The following LRP1B variants were observed in gnomAD, a reference collection of about 807,000 sequenced individuals.
LRP1B encodes low-density lipoprotein receptor-related protein 1B.
A neutral mutation model predicts 556.6 loss-of-function variants in LRP1B; 217 were observed. The observed-to-expected ratio is 0.39, with a 90% CI of 0.35 to 0.44. The LOEUF (loss-of-function observed/expected upper bound fraction) is 0.44. Ranked by LOEUF, LRP1B falls within the 20% of genes least tolerant of loss-of-function variation. The pLI, the probability that LRP1B is intolerant of heterozygous loss-of-function variation, is 1.00. For missense variants in LRP1B, 5,053 were observed against 5,620.8 expected (o/e 0.90, Z 3.23); for synonymous variants, 2,047 against 1,865.8 (o/e 1.10, Z -2.50).
At chr2:140,658,675 A>G (rs1480296064) in intron 41 of LRP1B, among the ~76,000 whole-genome samples, 1 of 151,534 alleles carries the variant, frequency 6.6e-6, no homozygotes, top group Admixed American at 6.6e-5. Flanking sequence ...TTTTAACGCA[A>G]TATGTCTACA....
chr2:140,659,826 A>C (rs1194653878), intron 41 of LRP1B, among the ~76,000 whole-genome samples: 1 of 152,138 alleles, frequency 6.6e-6, no homozygotes, highest in Non-Finnish European at 1.5e-5. Context: ...TGAGAAAAAC[A>C]GGATGAGAGA....
chr2:141,301,575 T>C (rs1394345638), intron 3 of LRP1B, among the ~76,000 whole-genome samples: 1 of 152,154 alleles, frequency 6.6e-6, no homozygotes, highest in Non-Finnish European at 1.5e-5. Context: ...AGGTACACTT[T>C]CTTATTCTCA....
intron 33 of LRP1B, among the ~76,000 whole-genome samples, chr2:140,772,311 G>GTA (rs3061696): frequency 0.26 from 39,506 of 150,156 alleles, 5,526 homozygotes; most frequent in South Asian, 0.32. Context: ...TTGTATGTAT[G>GTA]TATATATATA....
chr2:141,760,219 T>C lies in LRP1B; in HGVS notation c.205+50060A>G, dbSNP rs10205722. 4.3e-3 allele frequency among the ~76,000 whole-genome samples: 655 copies of C among 152,276 alleles called. 7 individuals are homozygous for C. Among genetic ancestry groups the C allele is most frequent in the African/African-American group, 0.014 (599 of 41,558 alleles). ...TAACCAAAACTGGAAAGAAACCCAG[T>C]CTTCATCCATAAGTTGTGAGTAAAA... On this transcript the variant is annotated intron_variant, in intron 2 of 90. Coordinates refer to ENST00000389484, the MANE Select transcript of LRP1B (RefSeq NM_018557.3).
chr2:141,915,539 C>G (rs1309654023), intron 1 of LRP1B, among the ~76,000 whole-genome samples: 1 of 152,048 alleles, frequency 6.6e-6, no homozygotes. Flanking sequence ...AAATTTATGA[C>G]TATTCCATCA....
At chr2:141,977,390 G>A (rs535267346) in intron 1 of LRP1B, among the ~76,000 whole-genome samples, 83 of 152,156 alleles carry the variant, frequency 5.5e-4, no homozygotes, top group Middle Eastern at 3.4e-3. Flanking sequence ...TGGCCAGCAT[G>A]GTGAATCCCT....
intron 41 of LRP1B, among the ~76,000 whole-genome samples, chr2:140,655,032 G>GTATATATATATATATATATATATA (rs145869246): frequency 1.4e-4 from 20 of 147,160 alleles, no homozygotes; most frequent in Non-Finnish European, 2.2e-4. Context: ...GTATATGTAT[G>GTATATATATATATATATATATATA]TATATATATA....
At chr2:140,925,530 G>A (rs1337087205) in intron 20 of LRP1B, among the ~76,000 whole-genome samples, 2 of 152,076 alleles carry the variant, frequency 1.3e-5, no homozygotes, top group Non-Finnish European at 2.9e-5. Flanking sequence ...ATAGCCTGTA[G>A]TATGAGCTCA....
intron 3 of LRP1B, among the ~76,000 whole-genome samples, chr2:141,396,175 A>T (rs762715856): frequency 1.3e-5 from 2 of 152,226 alleles, no homozygotes; most frequent in Non-Finnish European, 2.9e-5. Context: ...ATGAAATCAG[A>T]ATAAAATGTA....
At chr2:141,669,250 T>C (rs1690570509) in intron 2 of LRP1B, among the ~76,000 whole-genome samples, 1 of 152,018 alleles carries the variant, frequency 6.6e-6, no homozygotes, top group African/African-American at 2.4e-5. Flanking sequence ...AGTAAACAGA[T>C]ACACAGAGGG....
chr2:140,530,304 A>G (rs1485848), intron 47 of LRP1B, among the ~76,000 whole-genome samples: 76,526 of 151,844 alleles, frequency 0.5, 19,565 homozygotes, highest in East Asian at 0.61. Context: ...TTGCACTGAC[A>G]ATAGAAAGAG....
At chr2:140,923,404 T>C (rs1229720533) in intron 20 of LRP1B, among the ~76,000 whole-genome samples, 1 of 152,074 alleles carries the variant, frequency 6.6e-6, no homozygotes, top group East Asian at 1.9e-4. Flanking sequence ...AAGTACTATG[T>C]ACATTAGAAA....
At chr2:140,554,365 A>G (rs1213203004) in intron 43 of LRP1B, among the ~76,000 whole-genome samples, 1 of 152,092 alleles carries the variant, frequency 6.6e-6, no homozygotes, top group Non-Finnish European at 1.5e-5. Flanking sequence ...GCTTATCAAA[A>G]ATTTTGAATT....
At chr2:142,064,330 G>A (rs1705024390) in intron 1 of LRP1B, among the ~76,000 whole-genome samples, 1 of 151,568 alleles carries the variant, frequency 6.6e-6, no homozygotes, top group African/African-American at 2.4e-5. Context: ...GAAAATTCAA[G>A]TATGGTGCTC....
chr2:141,779,419 CTTTTT>C (rs34529015), intron 2 of LRP1B, among the ~76,000 whole-genome samples: 34 of 130,834 alleles, frequency 2.6e-4, no homozygotes, highest in African/African-American at 7.7e-4. Flanking sequence ...AAAATAAAAA[CTTTTT>C]TTTTTTTTTT....
chr2:141,768,386 T>C (rs1020696003), intron 2 of LRP1B, among the ~76,000 whole-genome samples: 3 of 152,204 alleles, frequency 2.0e-5, no homozygotes, highest in African/African-American at 4.8e-5. Context: ...TACTGACATA[T>C]GCAACTTAGA....
intron 5 of LRP1B, among the ~76,000 whole-genome samples, chr2:141,233,611 TATCTTCTCAC>T (rs1425619261): frequency 6.6e-6 from 1 of 152,160 alleles, no homozygotes; most frequent in South Asian, 2.1e-4. Flanking sequence ...AGCCTATCTT[TATCTTCTCAC>T]AGTCAAAAAT....
At chr2:141,310,222 T>C (rs11887121) in intron 3 of LRP1B, among the ~76,000 whole-genome samples, 2,346 of 152,304 alleles carry the variant, frequency 0.015, 56 homozygotes, top group African/African-American at 0.052. Flanking sequence ...TCTATTTTCA[T>C]GTCTTATTTT....
At chr2:142,016,970 G>GTATATACATATATGTATATACACATA (rs1395269699) in intron 1 of LRP1B, among the ~76,000 whole-genome samples, 51 of 139,574 alleles carry the variant, frequency 3.7e-4, no homozygotes, top group African/African-American at 1.3e-3. Context: ...GTATGTGTGT[G>GTATATACATATATGTATATACACATA]TATATACATA....
Sources: gnomAD v4.1 joint callset for allele counts (sites outside exome capture counted in the v4.1 genomes callset) on GRCh38, gnomAD v4.1.1 for gene constraint, MANE v1.5 for transcripts, NCBI Gene and HGNC (gene_info 2026-07-23, HGNC 2026-07-21) for gene names.